STX17: variants seen among roughly 807,000 people sequenced by gnomAD.
The protein encoded by STX17 is syntaxin 17, also known as syntaxin-17.
STX17 carries 29 observed loss-of-function variants against 35.9 expected under a neutral mutation model. The ratio of observed to expected loss-of-function variants is 0.81; its 90% CI spans 0.60 to 1.10. STX17 has a LOEUF of 1.10. Ranked by LOEUF, STX17 falls within the 50% of genes least tolerant of loss-of-function variation. The pLI is 0.00. For synonymous variants in STX17, 92 were observed against 118.3 expected (o/e 0.78, Z 1.44); for missense variants, 312 against 352.3 (o/e 0.89, Z 0.92).
chr9:99,908,058 T>C (rs2118276721), intron 1 of STX17, among the ~76,000 whole-genome samples: 1 of 152,352 alleles, frequency 6.6e-6, no homozygotes, highest in Non-Finnish European at 1.5e-5. Flanking sequence ...TGTCCAGTGT[T>C]CTCTCATGAT....
chr9:99,917,831 A>G (rs1381264633), intron 2 of STX17, among the ~76,000 whole-genome samples: 2 of 152,222 alleles, frequency 1.3e-5, no homozygotes, highest in Non-Finnish European at 2.9e-5. Flanking sequence ...TTATATGGAT[A>G]AGGTACAAGA....
rs1482060321 is a variant in STX17, at chr9:99,972,551, A to T, written c.*3878A>T. On this transcript the variant is annotated 3_prime_UTR_variant, in exon 8 of 8. Coordinates refer to ENST00000259400, the MANE Select transcript of STX17 (RefSeq NM_017919.3). ...TGAAACTGAGTGCTGTACAGGGAGAATTGCATGAGTCCAGAAACTTCCTTC... is the reference window on the plus strand; with the variant it reads ...TGAAACTGAGTGCTGTACAGGGAGATTTGCATGAGTCCAGAAACTTCCTTC... Among the ~76,000 whole-genome samples, 1 of 152,182 alleles carries T rather than the reference A, an allele frequency of 6.6e-6. No individual in the cohort carries two copies. Among genetic ancestry groups the T allele is most frequent in the Admixed American group, 6.5e-5 (1 of 15,282 alleles).
At chr9:99,929,665 C>T (rs948593804) in intron 3 of STX17, 1 of 151,254 alleles carries the variant, frequency 6.6e-6, no homozygotes, top group Admixed American at 6.6e-5. Context: ...CTTCCCTTCC[C>T]CCATATAATT....
intron 2 of STX17, chr9:99,915,964 A>G (rs960619113): frequency 2.0e-5 from 9 of 447,680 alleles, no homozygotes; most frequent in South Asian, 1.3e-4. Flanking sequence ...AACTTTGGCT[A>G]ATGTACCTGC....
chr9:99,940,975 G>A (rs1208292315), intron 3 of STX17, among the ~76,000 whole-genome samples: 1 of 152,138 alleles, frequency 6.6e-6, no homozygotes, highest in Non-Finnish European at 1.5e-5. Flanking sequence ...TCTCTCATGT[G>A]TCTCACTTCC....
At chr9:99,928,565 T>C (rs1829037218) in intron 2 of STX17, among the ~76,000 whole-genome samples, 1 of 152,194 alleles carries the variant, frequency 6.6e-6, no homozygotes, top group Non-Finnish European at 1.5e-5. Context: ...TGGGGTTTTT[T>C]TGGTTTATTT....
At chr9:99,944,004 A>G (rs1280330145) in intron 3 of STX17, among the ~76,000 whole-genome samples, 1 of 152,088 alleles carries the variant, frequency 6.6e-6, no homozygotes, top group African/African-American at 2.4e-5. Flanking sequence ...AATTTCTTTA[A>G]TAATTATATG....
rs1181709255 is a variant in STX17, at chr9:99,972,894, C to T, written c.*4221C>T. On this transcript the variant is annotated 3_prime_UTR_variant, in exon 8 of 8. Transcript: ENST00000259400. ...TGGTTTTTTTTGTTATTAAGTAGAA[C>T]GTGGCTGTGGTTCACAGGTACTTAA... Among the ~76,000 whole-genome samples, 1 of 151,962 alleles carries T rather than the reference C, an allele frequency of 6.6e-6. No individual in the cohort carries two copies. Among genetic ancestry groups the T allele is most frequent in the Non-Finnish European group, 1.5e-5 (1 of 68,008 alleles).
rs1338541181 is a variant in STX17, at chr9:99,910,237, CAAAAAAAAAGAAA to C, written c.-63+3545_-63+3557del. On this transcript the variant is annotated intron_variant, in intron 1 of 7. Transcript: ENST00000259400. ...AAAAGAGTGAGACTCCGTCTCAAAACAAAAAAAAAGAAAAAAAAAAAAGAAATGCAAATGGCTG... is the reference window on the plus strand; with the variant it reads ...AAAAGAGTGAGACTCCGTCTCAAAACAAAAAAAAAGAAATGCAAATGGCTG... 2.9e-5 allele frequency among the ~76,000 whole-genome samples: 3 copies of C among 104,618 alleles called. No individual in the cohort carries two copies. In the Admixed American group the frequency reaches 2.9e-4, roughly 10 times the overall value. 68.6% of individuals were successfully genotyped at this position (104,618 alleles called of 152,430 possible).
intron 3 of STX17, among the ~76,000 whole-genome samples, chr9:99,944,272 G>C (rs908616615): frequency 6.6e-6 from 1 of 151,486 alleles, no homozygotes; most frequent in South Asian, 2.1e-4. Flanking sequence ...TTAATCTATT[G>C]TATTATGTTT....
At chr9:99,966,895 A>G (rs1177401289) in intron 6 of STX17, among the ~76,000 whole-genome samples, 1 of 152,270 alleles carries the variant, frequency 6.6e-6, no homozygotes, top group Non-Finnish European at 1.5e-5. Context: ...GGCTTCGCAC[A>G]TCAGAGAGGA....
chr9:99,956,577 A>C (rs1306673793), intron 4 of STX17, among the ~76,000 whole-genome samples: 1 of 152,246 alleles, frequency 6.6e-6, no homozygotes, highest in South Asian at 2.1e-4. Context: ...AATGTAAAGC[A>C]TAGAGTAACT....
intron 2 of STX17, among the ~76,000 whole-genome samples, chr9:99,921,725 G>T (rs2118338271): frequency 6.6e-6 from 1 of 151,650 alleles, no homozygotes; most frequent in East Asian, 1.9e-4. Flanking sequence ...AAGTCTTTAG[G>T]AACCTTACCA....
At position 99,923,041 on chromosome 9, in the gene STX17, A is replaced by C. The variant is rs1828918260; in HGVS notation, c.124-5737A>C. Among the ~76,000 whole-genome samples, 4 of 151,908 alleles carry C rather than the reference A, an allele frequency of 2.6e-5. No homozygotes were observed. The South Asian group carries it at 8.3e-4, about 32-fold the overall frequency. Reference sequence around the variant, plus strand: ...GTAGAACCAATTTTTTTTTTACAACACTTTTTTATTCCCTTTTCTATGTCC... The same window carrying C: ...GTAGAACCAATTTTTTTTTTACAACCCTTTTTTATTCCCTTTTCTATGTCC... On this transcript the variant is annotated intron_variant, in intron 2 of 7. Coordinates refer to ENST00000259400, the MANE Select transcript of STX17 (RefSeq NM_017919.3).
intron 3 of STX17, among the ~76,000 whole-genome samples, chr9:99,937,555 T>G (rs975264676): frequency 3.9e-5 from 6 of 152,260 alleles, no homozygotes; most frequent in African/African-American, 1.4e-4. Context: ...GTATTCTTTA[T>G]CTCACTCACA....
intron 3 of STX17, among the ~76,000 whole-genome samples, chr9:99,932,976 C>T (rs1197806439): frequency 6.6e-6 from 1 of 152,044 alleles, no homozygotes; most frequent in East Asian, 1.9e-4. Context: ...AATTATCAAT[C>T]TTTTATGGTT....
At chr9:99,944,879 C>T (rs1829446263) in intron 3 of STX17, among the ~76,000 whole-genome samples, 1 of 152,022 alleles carries the variant, frequency 6.6e-6, no homozygotes, top group Admixed American at 6.6e-5. Context: ...TGTCTTTCTT[C>T]ATTATTGGTC....
intron 3 of STX17, among the ~76,000 whole-genome samples, chr9:99,946,792 G>C (rs1448553877): frequency 6.6e-6 from 1 of 152,058 alleles, no homozygotes; most frequent in Non-Finnish European, 1.5e-5. Context: ...TCTATACTTT[G>C]AATATTTTGT....
chr9:99,965,479 A>G (rs1233242213), intron 6 of STX17, among the ~76,000 whole-genome samples: 1 of 152,176 alleles, frequency 6.6e-6, no homozygotes, highest in East Asian at 1.9e-4. Context: ...TCATCAACAT[A>G]TGACGGCTGA....
Sources: allele counts gnomAD v4.1 joint callset (sites outside exome capture counted in the v4.1 genomes callset), GRCh38; gene constraint gnomAD v4.1.1; transcripts MANE v1.5; gene names NCBI Gene and HGNC (gene_info 2026-07-23, HGNC 2026-07-21).